MORN1: variants seen among roughly 807,000 people sequenced by gnomAD.
MORN1 encodes MORN repeat-containing protein 1.
MORN1 carries 67 observed loss-of-function variants against 61.9 expected under a neutral mutation model. The observed-to-expected ratio is 1.08, with a 90% CI of 0.89 to 1.33. MORN1 has a LOEUF of 1.33. Ranked by LOEUF, MORN1 falls within the 40% of genes most tolerant of loss-of-function variation. The pLI is 0.00. For synonymous variants in MORN1, 301 were observed against 292.0 expected, an observed-to-expected ratio of 1.03 and a Z score of -0.31; for missense variants, 752 against 691.2, an observed-to-expected ratio of 1.09 and a Z score of -0.99.
intron 4 of MORN1, 136 bp downstream of exon 4, chr1:2,387,283 A>T (rs1642526290): frequency 2.8e-6 from 2 of 713,898 alleles, no homozygotes; most frequent in Admixed American, 1.9e-5. Context: ...AGAAGAGGGC[A>T]TGGGCCCCCT....
At chr1:2,390,803 C>A in intron 1 of MORN1, 1 of 955,776 alleles carries the variant, frequency 1.0e-6, no homozygotes, top group Non-Finnish European at 1.2e-6. Flanking sequence ...GGCTGGGGTG[C>A]AGCGGCGCGA....
intron 1 of MORN1, chr1:2,390,335 A>C: frequency 2.3e-5 from 19 of 835,020 alleles, no homozygotes; most frequent in Non-Finnish European, 2.7e-5. Flanking sequence ...TTGTTGCAGG[A>C]GATGAGTGAG....
intron 12 of MORN1, among the ~76,000 whole-genome samples, chr1:2,333,161 G>T (rs1364366938): frequency 1.3e-5 from 2 of 152,240 alleles, no homozygotes; most frequent in Non-Finnish European, 2.9e-5. Flanking sequence ...GAAGTGCAGT[G>T]AGCATCGGGC....
chr1:2,348,831 A>G lies in MORN1; in HGVS notation c.1036+8601T>C, dbSNP rs1457036401. Among the ~76,000 whole-genome samples the G allele has an allele frequency of 4.6e-5, 7 of 151,952 alleles. No homozygotes were observed. The East Asian group carries it at 9.7e-4, about 21-fold the overall frequency. On this transcript the variant is annotated intron_variant, in intron 10 of 13. Coordinates refer to ENST00000378531, the MANE Select transcript of MORN1 (RefSeq NM_024848.3). ...CGCGGGCACGCACACACACGCACGC[A>G]CACGCACACCTGCGCGGGCACGCAC... is the stretch of plus-strand genomic sequence containing the variant.
chr1:2,345,758 G>A (rs139234536), intron 10 of MORN1, among the ~76,000 whole-genome samples: 81 of 152,278 alleles, frequency 5.3e-4, no homozygotes, highest in Middle Eastern at 6.8e-3. Flanking sequence ...CCAAGCTCAC[G>A]CCAGCAGAGT....
intron 12 of MORN1, among the ~76,000 whole-genome samples, chr1:2,325,255 C>T (rs1569905344): frequency 8.5e-6 from 1 of 117,506 alleles, no homozygotes; most frequent in African/African-American, 3.6e-5. Flanking sequence ...TCTCTCTCTC[C>T]TCTCTCTCTC....
chr1:2,359,242 C>T (rs947553559), intron 8 of MORN1, among the ~76,000 whole-genome samples: 3 of 152,086 alleles, frequency 2.0e-5, no homozygotes, highest in Non-Finnish European at 2.9e-5. Context: ...CACCTTGACC[C>T]GGGGGGATGG....
chr1:2,324,273 C>T, intron 12 of MORN1, 130 bp from the exon 13 acceptor site: 1 of 917,668 alleles, frequency 1.1e-6, no homozygotes, highest in Non-Finnish European at 1.6e-6. Context: ...GGCCTGCGAA[C>T]CCCACCTCGG....
In MORN1 at chr1:2,387,503, G is replaced by T; in HGVS notation, c.274C>A (p.Leu92Met). 6.2e-7 allele frequency: 1 copy of T among 1,613,032 alleles called. No individual in the cohort carries two copies. The change falls in exon 4 of 14, where the codon CTG becomes ATG. Residue 92 changes from leucine (L) to methionine (M), a missense_variant. Transcript: ENST00000378531. ...ACGCCGTAGCCTTGAGGCTCTCCCA[G>T]AACAAACTGTCCAGAGAAGGTGTCT... ...SGDTFSGQFV[L>M]GEPQGYGVME...
At chr1:2,340,547 G>T (rs896968799) in intron 10 of MORN1, among the ~76,000 whole-genome samples, 3 of 152,210 alleles carry the variant, frequency 2.0e-5, no homozygotes, top group Non-Finnish European at 2.9e-5. Context: ...ATCATCTGTG[G>T]CTCGGAGGAC....
In MORN1 at chr1:2,324,160, G is replaced by A. The variant is rs1160790139; in HGVS notation, c.1251-17C>T. On this transcript the variant is annotated splice_polypyrimidine_tract_variant and intron_variant, in intron 12 of 13. Transcript: ENST00000378531. ...CCCTCAGGCCTGTGGAGACGACACA[G>A]TGAGGCCCCTGAATGCCCTGCCTGG... 3.8e-6 allele frequency: 6 copies of A among 1,592,102 alleles called. No homozygotes were observed. The highest frequency in any genetic ancestry group is 2.7e-5 in the African/African-American group (2 of 74,632).
intron 6 of MORN1, chr1:2,376,746 G>A (rs1384199184): frequency 1.3e-5 from 2 of 152,288 alleles, no homozygotes; most frequent in East Asian, 3.9e-4. Context: ...TGGGAGGGCT[G>A]AGCCAGGCAA....
chr1:2,333,207 C>T (rs1013962222), intron 12 of MORN1, among the ~76,000 whole-genome samples: 2 of 152,226 alleles, frequency 1.3e-5, no homozygotes, highest in Admixed American at 6.5e-5. Flanking sequence ...GTAATTATGC[C>T]AGCCAGTGGG....
chr1:2,324,115 C>T lies in MORN1; in HGVS notation c.1279G>A (p.Ala427Thr), dbSNP rs749770862. ...RPEGRATEEQAAAAHLGEYVL... is the reference protein window; with the variant it reads ...RPEGRATEEQTAAAHLGEYVL... Reference sequence around the variant, plus strand: ...CACCTACCTAGGTGTGCTGCCGCAGCCTGCTCCTCCGTGGCTCTCCCCTCA... The same window carrying T: ...CACCTACCTAGGTGTGCTGCCGCAGTCTGCTCCTCCGTGGCTCTCCCCTCA... Residue 427 changes from alanine to threonine, a missense_variant, in exon 13 of 14, where the codon GCT becomes ACT. By Grantham distance (58) the Ala-to-Thr change is moderately conservative (BLOSUM62 0). Coordinates refer to ENST00000378531, the MANE Select transcript of MORN1 (RefSeq NM_024848.3). 4.4e-6 allele frequency: 7 copies of T among 1,600,758 alleles called. No homozygotes were observed. Among genetic ancestry groups the T allele is most frequent in the Non-Finnish European group, 6.0e-6 (7 of 1,175,108 alleles).
At chr1:2,342,840 A>ATTTTATTT (rs1553211060) in intron 10 of MORN1, among the ~76,000 whole-genome samples, 3 of 102,002 alleles carry the variant, frequency 2.9e-5, no homozygotes, top group Non-Finnish European at 2.0e-5. Context: ...ATTTTATTTT[A>ATTTTATTT]TATTTTATTT....
chr1:2,374,239 A>G (rs1436194744), intron 7 of MORN1, among the ~76,000 whole-genome samples: 2 of 152,242 alleles, frequency 1.3e-5, no homozygotes, highest in Non-Finnish European at 2.9e-5. Flanking sequence ...CCACCCCCAG[A>G]CACTCAGGCC....
chr1:2,358,036 A>G lies in MORN1; in HGVS notation c.870-438T>C, dbSNP rs1641812285. 2.0e-5 allele frequency among the ~76,000 whole-genome samples: 3 copies of G among 152,036 alleles called. No homozygotes were observed. In the South Asian group the frequency reaches 6.2e-4, roughly 32 times the overall value. On this transcript the variant is annotated intron_variant, in intron 9 of 13. Transcript: ENST00000378531. ...GCTAAGTTCTGACTGTGAATGGTAA[A>G]ATGCATGGATTTTCATGTTGCGGGG...
intron 12 of MORN1, among the ~76,000 whole-genome samples, chr1:2,325,060 G>C (rs1245073335): frequency 4.2e-5 from 6 of 144,338 alleles, no homozygotes; most frequent in South Asian, 2.3e-4. Flanking sequence ...CCCGGGCAGT[G>C]AGATGCACTT....
chr1:2,324,439 G>T (rs541702288), intron 12 of MORN1, among the ~76,000 whole-genome samples: 1 of 152,338 alleles, frequency 6.6e-6, no homozygotes, highest in South Asian at 2.1e-4. Flanking sequence ...CATTTCCACA[G>T]TCTTCTGACA....
Sources: allele counts gnomAD v4.1 joint callset (sites outside exome capture counted in the v4.1 genomes callset), GRCh38; gene constraint gnomAD v4.1.1; transcripts MANE v1.5; gene names NCBI Gene and HGNC (gene_info 2026-07-23, HGNC 2026-07-21).